The following PRCP variants were observed in gnomAD, a reference collection of about 807,000 sequenced individuals.
PRCP encodes lysosomal Pro-X carboxypeptidase.
In PRCP, 46 loss-of-function variants were observed where a neutral mutation model predicts 54.2. The ratio of observed to expected loss-of-function variants is 0.85; its 90% CI spans 0.67 to 1.09. The LOEUF is 1.09. Ranked by LOEUF, PRCP falls within the 50% of genes least tolerant of loss-of-function variation. PRCP has a pLI of 0.00. For synonymous variants in PRCP, 240 were observed against 212.2 expected (o/e 1.13, Z -1.14); for missense variants, 613 against 596.8 (o/e 1.03, Z -0.28).
Position 82,838,651 on chromosome 11 carries a change from A to T in PRCP, c.1087-77T>A. ...GTTAAATAAATTACACAAAGTCATA[A>T]TGCTGGTAAGTAGTGAAGGCAGGGT... On this transcript the variant is annotated intron_variant, in intron 7 of 8. Coordinates refer to ENST00000313010, the MANE Select transcript of PRCP (RefSeq NM_005040.4). 5 of 1,442,538 alleles carry T rather than the reference A, an allele frequency of 3.5e-6. No homozygotes were observed. The East Asian group carries it at 9.3e-5, about 27-fold the overall frequency. The allele number at this position is 1,442,538 out of a possible 1,614,324, so 89.4% of individuals were successfully genotyped here.
chr11:82,848,461 G>T (rs1208443530), intron 6 of PRCP, among the ~76,000 whole-genome samples: 1 of 152,198 alleles, frequency 6.6e-6, no homozygotes, highest in Non-Finnish European at 1.5e-5. Context: ...GATGGGGAAA[G>T]AAAAGCACCT....
At chr11:82,879,564 G>T (rs1859697349) in intron 1 of PRCP, among the ~76,000 whole-genome samples, 1 of 152,162 alleles carries the variant, frequency 6.6e-6, no homozygotes, top group Non-Finnish European at 1.5e-5. Context: ...ATCCAACTTT[G>T]TTCTGTTGCT....
At chr11:82,882,230 C>A (rs995963432) in intron 1 of PRCP, among the ~76,000 whole-genome samples, 3 of 151,862 alleles carry the variant, frequency 2.0e-5, no homozygotes, top group Non-Finnish European at 4.4e-5. Context: ...TGAAAAAAAA[C>A]GTTTATAAGT....
At chr11:82,884,345 C>A (rs1859818630) in intron 1 of PRCP, among the ~76,000 whole-genome samples, 1 of 152,050 alleles carries the variant, frequency 6.6e-6, no homozygotes, top group Non-Finnish European at 1.5e-5. Context: ...ATCACTTGAG[C>A]CCAGGAATTC....
chr11:82,851,694 C>T (rs543919276), intron 3 of PRCP, among the ~76,000 whole-genome samples: 2 of 152,172 alleles, frequency 1.3e-5, no homozygotes, highest in Non-Finnish European at 2.9e-5. Context: ...TACTAGACAA[C>T]GAATACAGCT....
chr11:82,873,583 A>G (rs1403447138), intron 1 of PRCP, among the ~76,000 whole-genome samples: 10 of 152,250 alleles, frequency 6.6e-5, no homozygotes, highest in Admixed American at 6.5e-5. Flanking sequence ...CTGGTGAGAT[A>G]AAAGACATCA....
intron 4 of PRCP, 83 bp downstream of exon 4, chr11:82,850,241 G>T: frequency 7.8e-7 from 1 of 1,284,540 alleles, no homozygotes; most frequent in Non-Finnish European, 1.0e-6. Flanking sequence ...TAATGGCATG[G>T]AACATGTTTT....
intron 8 of PRCP, among the ~76,000 whole-genome samples, chr11:82,832,620 A>G (rs1321281301): frequency 6.6e-6 from 1 of 152,166 alleles, no homozygotes; most frequent in South Asian, 2.1e-4. Context: ...TGTTAGATGG[A>G]CAGATTGCAA....
chr11:82,844,736 AAAAAAAAAAAAAAAG>A (rs1313529172), intron 6 of PRCP, among the ~76,000 whole-genome samples: 2 of 144,826 alleles, frequency 1.4e-5, no homozygotes, highest in Non-Finnish European at 3.0e-5. Flanking sequence ...CCGTCTCAAA[AAAAAAAAAAAAAAAG>A]AAAGAAAGAA....
chr11:82,843,901 A>G (rs1858736099), intron 6 of PRCP, among the ~76,000 whole-genome samples: 2 of 152,036 alleles, frequency 1.3e-5, no homozygotes, highest in South Asian at 4.2e-4. Flanking sequence ...GAATGCAAGA[A>G]GCGTATGATT....
At chr11:82,848,978 GAA>G in intron 6 of PRCP, 69 bp downstream of exon 6, 2 of 1,449,856 alleles carry the variant, frequency 1.4e-6, no homozygotes, top group Non-Finnish European at 1.9e-6. Context: ...CTCTGAGGCA[GAA>G]AGTCAGAGTA....
At chr11:82,831,213 C>G (rs963007574) in intron 8 of PRCP, 1 of 151,806 alleles carries the variant, frequency 6.6e-6, no homozygotes, top group African/African-American at 2.4e-5. Context: ...TGGATTTATA[C>G]TAAAATAACT....
rs1352581468 is a variant in PRCP at position 82,824,989 on chromosome 11, C to T, written c.1408G>A (p.Val470Met). ...ACTTCCAAGGAGCGGGCTAACAGCA[C>T]AGACATAGGATCCAAGGCATTCTTG... ...RTKNALDPMS[V>M]LLARSLEVRH... The change falls in exon 9 of 9, where the codon GTG (valine) becomes ATG (methionine). Residue 470 changes from valine to methionine, a missense_variant. By Grantham distance (21) the Val-to-Met change is conservative. Transcript: ENST00000313010. The T allele has an allele frequency of 6.2e-7, 1 of 1,613,988 alleles. No individual in the cohort carries two copies. Among genetic ancestry groups the T allele is most frequent in the Non-Finnish European group, 8.5e-7 (1 of 1,179,998 alleles).
intron 8 of PRCP, chr11:82,836,774 C>A: frequency 4.2e-6 from 1 of 238,514 alleles, no homozygotes; most frequent in South Asian, 4.5e-5. Flanking sequence ...TCTCAAACTC[C>A]TGGGCTCAAG....
chr11:82,900,658 G>A (rs1768518191), upstream of PRCP: 2 of 644,880 alleles, frequency 3.1e-6, no homozygotes, highest in African/African-American at 3.6e-5. Context: ...CACCTTCATT[G>A]CGGTCACACC....
At chr11:82,856,662 A>G (rs1859088322) in intron 2 of PRCP, among the ~76,000 whole-genome samples, 1 of 148,228 alleles carries the variant, frequency 6.7e-6, no homozygotes, top group African/African-American at 2.6e-5. Flanking sequence ...ACAAACCTGC[A>G]CATGTACCCC....
chr11:82,831,763 C>G (rs571058061), intron 8 of PRCP, among the ~76,000 whole-genome samples: 4 of 152,022 alleles, frequency 2.6e-5, no homozygotes, highest in Admixed American at 2.6e-4. Context: ...GATACATGTG[C>G]AGAATGTGCA....
intron 1 of PRCP, among the ~76,000 whole-genome samples, chr11:82,892,960 A>G (rs1218658563): frequency 2.6e-5 from 4 of 152,202 alleles, no homozygotes; most frequent in Non-Finnish European, 5.9e-5. Flanking sequence ...CCAGATCAGC[A>G]CTGAGTAGGT....
In PRCP at chr11:82,840,819, T is replaced by C. The variant is rs530901171; in HGVS notation, c.922-1394A>G. The C allele has an allele frequency of 2.6e-5, 4 of 152,104 alleles. No individual in the cohort carries two copies. In the South Asian group the frequency reaches 8.3e-4, roughly 32 times the overall value. The allele number at this position is 152,104 out of a possible 1,614,324, so 9.4% of individuals were successfully genotyped here. ...AAAACCTGATTCTTAGGTTAAGTCA[T>C]CTTCAAGGTCACTCAGTTGGTAAAT... On this transcript the variant is annotated intron_variant, in intron 6 of 8. Transcript: ENST00000313010.
Sources: gnomAD v4.1 joint callset for allele counts (sites outside exome capture counted in the v4.1 genomes callset) on GRCh38, gnomAD v4.1.1 for gene constraint, MANE v1.5 for transcripts, NCBI Gene and HGNC (gene_info 2026-07-23, HGNC 2026-07-21) for gene names.